The following GARS1 variants were observed in gnomAD, a reference collection of about 807,000 sequenced individuals.
GARS1 encodes glycyl-tRNA synthetase 1.
A neutral mutation model predicts 86.4 loss-of-function variants in GARS1; 46 were observed. That is an observed-to-expected ratio of 0.53 (90% CI 0.42 to 0.68). GARS1 has a LOEUF of 0.68. GARS1 is among the 30% of genes least tolerant of loss of function. The pLI, the probability that GARS1 is intolerant of heterozygous loss-of-function variation, is 0.00. For missense variants in GARS1, 797 were observed against 915.6 expected, an observed-to-expected ratio of 0.87 and a Z score of 1.67; for synonymous variants, 342 against 329.8, an observed-to-expected ratio of 1.04 and a Z score of -0.40.
At chr7:30,620,059 G>A (rs1449510070) in intron 10 of GARS1, among the ~76,000 whole-genome samples, 2 of 151,584 alleles carry the variant, frequency 1.3e-5, no homozygotes, top group African/African-American at 2.4e-5. Flanking sequence ...TTAGAGACAC[G>A]AACCACTGTG....
chr7:30,617,995 A>T (rs1782922916), intron 10 of GARS1, among the ~76,000 whole-genome samples: 1 of 152,140 alleles, frequency 6.6e-6, no homozygotes, highest in East Asian at 1.9e-4. Flanking sequence ...ATAGAAAGAG[A>T]CTTTAGTCCA....
chr7:30,615,332 C>G (rs965565952), intron 8 of GARS1, among the ~76,000 whole-genome samples: 6 of 152,180 alleles, frequency 3.9e-5, no homozygotes, highest in Admixed American at 1.3e-4. Context: ...TTTAATTTCC[C>G]ATTCTTTGAA....
chr7:30,610,081 T>TCC (rs1221377188), intron 7 of GARS1, among the ~76,000 whole-genome samples: 1 of 152,222 alleles, frequency 6.6e-6, no homozygotes, highest in Non-Finnish European at 1.5e-5. Context: ...TTTAGCATGC[T>TCC]ACTGTCCAAC....
chr7:30,605,176 C>T (rs1791456260), intron 6 of GARS1, among the ~76,000 whole-genome samples: 1 of 152,180 alleles, frequency 6.6e-6, no homozygotes, highest in Non-Finnish European at 1.5e-5. Context: ...GTTTTCTGCA[C>T]CTTAGTGTCT....
intron 1 of GARS1, 34 bp from the exon 2 acceptor site, chr7:30,598,762 C>A: frequency 6.5e-7 from 1 of 1,543,506 alleles, no homozygotes; most frequent in Non-Finnish European, 9.0e-7. Context: ...ACTTCTGAAA[C>A]CAATCCTGAA....
intron 6 of GARS1, among the ~76,000 whole-genome samples, chr7:30,607,054 T>C (rs1022386309): frequency 1.3e-5 from 2 of 152,218 alleles, no homozygotes; most frequent in African/African-American, 4.8e-5. Flanking sequence ...GCAATATGAA[T>C]GTTGAAAACA....
chr7:30,595,060 C>CCCG lies in GARS1; in HGVS notation c.148_150dup (p.Ala50dup). The CCCG allele has an allele frequency of 6.4e-7, 1 of 1,552,460 alleles. No individual in the cohort carries two copies. The highest frequency in any genetic ancestry group is 8.7e-7 in the Non-Finnish European group (1 of 1,155,136). On this transcript the variant is annotated inframe_insertion, in exon 1 of 17. Transcript: ENST00000389266. The stretch of plus-strand genomic sequence containing the variant: ...GGCCTCCTGCCCCCCGATCTCCTTG[C>CCCG]CCGCCGCCGCCTCCCGGAGCAGCAT...
chr7:30,632,705 T>A lies in GARS1; in HGVS notation c.2094+268T>A, dbSNP rs1783261442. Among the ~76,000 whole-genome samples the A allele has an allele frequency of 6.6e-6, 1 of 152,026 alleles. No homozygotes were observed. Among genetic ancestry groups the A allele is most frequent in the African/African-American group, 2.4e-5 (1 of 41,248 alleles). The stretch of plus-strand genomic sequence containing the variant: ...TTTGCTTTTATACTTGTTTGTTTAT[T>A]GGGCAAGAGAAATATGATCCTAAGA... On this transcript the variant is annotated intron_variant, in intron 16 of 16. Transcript: ENST00000389266. The surrounding 1 kb of genome is among the most constrained non-coding windows in gnomAD (Gnocchi z 4.1).
intron 9 of GARS1, 122 bp downstream of exon 9, chr7:30,616,180 T>A: frequency 9.6e-7 from 1 of 1,046,620 alleles, no homozygotes; most frequent in Non-Finnish European, 1.4e-6. Context: ...TTTTTTACAG[T>A]ACTTGGTTTT....
At chr7:30,595,729 A>T (rs145059976) in intron 1 of GARS1, 1 of 470,556 alleles carries the variant, frequency 2.1e-6, no homozygotes, top group Admixed American at 2.4e-5. Context: ...AGAAAATAGA[A>T]TTGAAATGTG....
chr7:30,622,115 T>A, intron 11 of GARS1: 1 of 611,730 alleles, frequency 1.6e-6, no homozygotes, highest in Non-Finnish European at 2.9e-6. Flanking sequence ...AAGTTTCTAT[T>A]GATGGTGTTA....
At chr7:30,612,063 C>T (rs1562776080) in intron 7 of GARS1, 33 bp from the exon 8 acceptor site, 2 of 1,587,326 alleles carry the variant, frequency 1.3e-6, no homozygotes, top group Non-Finnish European at 8.7e-7. Context: ...TAATTTCTTT[C>T]TTTGTAACAG....
intron 6 of GARS1, among the ~76,000 whole-genome samples, chr7:30,606,668 T>G (rs930883499): frequency 6.6e-6 from 1 of 152,190 alleles, no homozygotes; most frequent in African/African-American, 2.4e-5. Flanking sequence ...AAACTTCCTT[T>G]AATATGACAA....
At chr7:30,604,459 G>C (rs1026457187) in intron 6 of GARS1, among the ~76,000 whole-genome samples, 5 of 151,894 alleles carry the variant, frequency 3.3e-5, no homozygotes, top group Non-Finnish European at 7.4e-5. Context: ...CCTGAATATA[G>C]AACTCCCTAA....
chr7:30,604,125 GACCTTTT>G (rs1170918838), intron 6 of GARS1, among the ~76,000 whole-genome samples: 1 of 152,062 alleles, frequency 6.6e-6, no homozygotes, highest in Non-Finnish European at 1.5e-5. Flanking sequence ...AATTTATTCT[GACCTTTT>G]ACCAATTGCA....
At chr7:30,599,822 CAA>C in intron 2 of GARS1, 123 bp from the exon 3 acceptor site, 1 of 663,638 alleles carries the variant, frequency 1.5e-6, no homozygotes, top group Non-Finnish European at 2.6e-6. Context: ...TTTAACCTAT[CAA>C]AATCTTGTCT....
chr7:30,630,704 C>T (rs1783219569), intron 14 of GARS1, among the ~76,000 whole-genome samples: 3 of 151,954 alleles, frequency 2.0e-5, no homozygotes, highest in African/African-American at 7.2e-5. Flanking sequence ...GAGATGGGGT[C>T]TTGCCATGTT....
intron 1 of GARS1, among the ~76,000 whole-genome samples, chr7:30,597,265 A>G (rs1791272030): frequency 6.6e-6 from 1 of 152,216 alleles, no homozygotes; most frequent in Admixed American, 6.5e-5. Flanking sequence ...GAAATCAGGT[A>G]TTGGTGAAAG....
Position 30,622,313 on chromosome 7 carries a change from A to G in GARS1, c.1468-4A>G. On this transcript the variant is annotated splice_region_variant and splice_polypyrimidine_tract_variant and intron_variant, in intron 11 of 16. Transcript: ENST00000389266. ...TAGTTTTGGATTCCTTGACTACTTC[A>G]TACAAAACAGTCAATGTTGTTCAGT... 6.2e-7 allele frequency: 1 copy of G among 1,614,114 alleles called. No homozygotes were observed. Among genetic ancestry groups the G allele is most frequent in the South Asian group, 1.1e-5 (1 of 91,078 alleles).
Sources: allele counts gnomAD v4.1 joint callset (sites outside exome capture counted in the v4.1 genomes callset), GRCh38; gene constraint gnomAD v4.1.1; non-coding constraint Gnocchi (gnomAD v3.1); transcripts MANE v1.5; gene names NCBI Gene and HGNC (gene_info 2026-07-23, HGNC 2026-07-21).